The following LARS2 variants were observed in gnomAD, a reference collection of about 807,000 sequenced individuals.
The protein encoded by LARS2 is leucyl-tRNA synthetase 2, mitochondrial.
In LARS2, 81 loss-of-function variants were observed where a neutral mutation model predicts 116.6. The observed-to-expected ratio is 0.69, with a 90% CI of 0.58 to 0.84. The LOEUF is 0.84. Ranked by LOEUF, LARS2 falls within the 40% of genes least tolerant of loss-of-function variation. The pLI is 0.00. For synonymous variants in LARS2, 396 were observed against 407.2 expected, an observed-to-expected ratio of 0.97 and a Z score of 0.33; for missense variants, 968 against 1,114.5, an observed-to-expected ratio of 0.87 and a Z score of 1.87.
chr3:45,482,288 T>TG (rs1294419400), intron 10 of LARS2, among the ~76,000 whole-genome samples: 3 of 152,260 alleles, frequency 2.0e-5, no homozygotes. Flanking sequence ...TTTTCATGTT[T>TG]GGGGCTATTA....
chr3:45,475,411 C>T (rs181480458), intron 9 of LARS2, among the ~76,000 whole-genome samples: 144 of 152,340 alleles, frequency 9.5e-4, no homozygotes, highest in East Asian at 7.5e-3. Flanking sequence ...TTCCTCTTAC[C>T]GCTTTCCCAA....
In LARS2 at chr3:45,419,665, A is replaced by G; in HGVS notation, c.456-4A>G. 1 of 1,612,748 alleles carries G rather than the reference A, an allele frequency of 6.2e-7. No individual in the cohort carries two copies. The highest frequency in any genetic ancestry group is 8.5e-7 in the Non-Finnish European group (1 of 1,178,838). ...AACCAAACCTTTTTCCCATTGTTTC[A>G]CAGTAATATTAAACACATGAGGAAA... On this transcript the variant is annotated splice_region_variant and splice_polypyrimidine_tract_variant and intron_variant, in intron 5 of 21. Coordinates refer to ENST00000645846, the MANE Select transcript of LARS2 (RefSeq NM_015340.4).
chr3:45,482,503 A>G (rs1340739032), intron 10 of LARS2, among the ~76,000 whole-genome samples: 1 of 152,246 alleles, frequency 6.6e-6, no homozygotes, highest in Admixed American at 6.5e-5. Flanking sequence ...TTTCACAGCA[A>G]CTTCACAAAC....
At chr3:45,419,173 T>C (rs1330762131) in intron 5 of LARS2, among the ~76,000 whole-genome samples, 3 of 152,262 alleles carry the variant, frequency 2.0e-5, no homozygotes, top group Admixed American at 2.0e-4. Context: ...CCTGTTTATC[T>C]CCCTGTTTCT....
chr3:45,486,677 G>A (rs374717319), intron 11 of LARS2, among the ~76,000 whole-genome samples: 5 of 152,188 alleles, frequency 3.3e-5, no homozygotes, highest in Admixed American at 1.3e-4. Context: ...GCAGAAAATC[G>A]ATGTTACTCT....
intron 8 of LARS2, among the ~76,000 whole-genome samples, chr3:45,472,966 A>G (rs189096200): frequency 6.6e-6 from 1 of 152,390 alleles, no homozygotes; most frequent in Non-Finnish European, 1.5e-5. Context: ...CTGCTTCTGT[A>G]GTACTGCTCT....
At chr3:45,538,615 C>T (rs1700746452) in intron 20 of LARS2, among the ~76,000 whole-genome samples, 1 of 152,244 alleles carries the variant, frequency 6.6e-6, no homozygotes, top group African/African-American at 2.4e-5. Flanking sequence ...ATCTGGGCAG[C>T]AGGAATCTGT....
At chr3:45,403,461 C>T (rs1010249890) in intron 4 of LARS2, among the ~76,000 whole-genome samples, 7 of 152,062 alleles carry the variant, frequency 4.6e-5, no homozygotes, top group African/African-American at 1.4e-4. Flanking sequence ...AGATTACAGG[C>T]ACCCACCACC....
chr3:45,510,188 G>A (rs1383114019), intron 15 of LARS2, among the ~76,000 whole-genome samples: 1 of 152,058 alleles, frequency 6.6e-6, no homozygotes, highest in Non-Finnish European at 1.5e-5. Context: ...CGAGGCAGGA[G>A]GATTGCTTGA....
At chr3:45,487,958 C>A (rs1407123554) in intron 11 of LARS2, among the ~76,000 whole-genome samples, 1 of 152,046 alleles carries the variant, frequency 6.6e-6, no homozygotes, top group African/African-American at 2.4e-5. Context: ...TTTTTGACTT[C>A]CTGACTGAGT....
intron 10 of LARS2, among the ~76,000 whole-genome samples, chr3:45,481,890 T>C (rs892733244): frequency 8.5e-5 from 13 of 152,198 alleles, no homozygotes; most frequent in African/African-American, 3.1e-4. Context: ...GCTTTTGCTT[T>C]TGGTGTTATA....
intron 7 of LARS2, among the ~76,000 whole-genome samples, chr3:45,457,235 C>T (rs1436350905): frequency 2.0e-5 from 3 of 152,228 alleles, no homozygotes; most frequent in African/African-American, 7.2e-5. Flanking sequence ...GCCAGTGTGC[C>T]TGTCATTGGT....
In LARS2 at chr3:45,496,517, A is replaced by G. The variant is rs1700014242; in HGVS notation, c.1622+144A>G. 6 of 697,852 alleles carry G rather than the reference A, an allele frequency of 8.6e-6. No homozygotes were observed. The East Asian group carries it at 1.0e-4, about 12-fold the overall frequency. The allele number at this position is 697,852 out of a possible 1,614,324, so 43.2% of individuals were successfully genotyped here. A position where few individuals can be genotyped will look rare whatever the true frequency, so the allele number is the denominator to read the frequency against. On this transcript the variant is annotated intron_variant, in intron 14 of 21. Coordinates refer to ENST00000645846, the MANE Select transcript of LARS2 (RefSeq NM_015340.4). ...AAAGGGGAGAAGAGGAGGAGTGGGC[A>G]GAGAGTGCTCTTAGACCACGATGGA...
intron 7 of LARS2, among the ~76,000 whole-genome samples, chr3:45,456,922 A>G (rs1197264471): frequency 1.3e-5 from 2 of 152,204 alleles, no homozygotes; most frequent in Non-Finnish European, 2.9e-5. Context: ...ACTTTTAGAC[A>G]TGTCTCTGGA....
At chr3:45,539,115 T>G (rs1173590334) in intron 20 of LARS2, among the ~76,000 whole-genome samples, 1 of 152,190 alleles carries the variant, frequency 6.6e-6, no homozygotes, top group Non-Finnish European at 1.5e-5. Context: ...GTTTGGAAAG[T>G]TGACCATGTT....
At chr3:45,419,223 A>G (rs1288842221) in intron 5 of LARS2, among the ~76,000 whole-genome samples, 4 of 152,220 alleles carry the variant, frequency 2.6e-5, no homozygotes, top group Non-Finnish European at 5.9e-5. Flanking sequence ...TTACATTTTC[A>G]TTAACAAAGC....
In LARS2 at chr3:45,518,086, CAAT is replaced by C. The variant is rs1275266882; in HGVS notation, c.2214+15_2214+17del. On this transcript the variant is annotated intron_variant, in intron 18 of 21. Transcript: ENST00000645846. The stretch of plus-strand genomic sequence containing the variant: ...GTCATCTCTCAGGTCAGAAACTCTC[CAAT>C]TCCAGGGGTTAACTCTGTAACCAAG... 1 of 1,601,862 alleles carries C rather than the reference CAAT, an allele frequency of 6.2e-7. No individual in the cohort carries two copies. Among genetic ancestry groups the C allele is most frequent in the South Asian group, 1.1e-5 (1 of 89,912 alleles).
chr3:45,409,475 A>T (rs997642997), intron 4 of LARS2, among the ~76,000 whole-genome samples: 1 of 152,166 alleles, frequency 6.6e-6, no homozygotes, highest in Non-Finnish European at 1.5e-5. Flanking sequence ...CTGGCAAGGG[A>T]AGCACCTAAC....
rs1559502130 is a variant in LARS2 at position 45,541,902 on chromosome 3, T to A, written c.2478T>A (p.Pro826=). The change falls in exon 21 of 22, where the codon CCT becomes CCA. Residue 826 remains proline, a synonymous_variant. Transcript: ENST00000645846. The part of the protein sequence containing the change: ...WDASVLLQAW[P]AVDPEFLQQP... Reference sequence around the variant, plus strand: ...CCAGTGTGCTGCTCCAGGCATGGCCTGCTGTGGACCCGGAGTTCCTGCAGC... The same window carrying A: ...CCAGTGTGCTGCTCCAGGCATGGCCAGCTGTGGACCCGGAGTTCCTGCAGC... 6.2e-7 allele frequency: 1 copy of A among 1,614,246 alleles called. No individual in the cohort carries two copies. The highest frequency in any genetic ancestry group is 2.2e-5 in the East Asian group (1 of 44,886).
Sources: allele counts gnomAD v4.1 joint callset (sites outside exome capture counted in the v4.1 genomes callset), GRCh38; gene constraint gnomAD v4.1.1; transcripts MANE v1.5; gene names NCBI Gene and HGNC (gene_info 2026-07-23, HGNC 2026-07-21).